CDH12: variants seen among roughly 807,000 people sequenced by gnomAD.
The protein encoded by CDH12 is cadherin 12.
CDH12 carries 41 observed loss-of-function variants against 74.1 expected under a neutral mutation model. That is an observed-to-expected ratio of 0.55 (90% CI 0.43 to 0.72). The LOEUF is 0.72. Ranked by LOEUF, CDH12 falls within the 30% of genes least tolerant of loss-of-function variation. CDH12 has a pLI of 0.00. For synonymous variants in CDH12, 399 were observed against 355.0 expected, an observed-to-expected ratio of 1.12 and a Z score of -1.39; for missense variants, 945 against 977.2, an observed-to-expected ratio of 0.97 and a Z score of 0.44.
chr5:22,132,070 A>T (rs1487608779), intron 4 of CDH12, among the ~76,000 whole-genome samples: 1 of 152,172 alleles, frequency 6.6e-6, no homozygotes, highest in East Asian at 1.9e-4. Flanking sequence ...TTTTTATACT[A>T]CTATTTCAAT....
chr5:22,677,034 G>C (rs570346269), intron 1 of CDH12, among the ~76,000 whole-genome samples: 1 of 152,262 alleles, frequency 6.6e-6, no homozygotes, highest in African/African-American at 2.4e-5. Flanking sequence ...CCAGACACTA[G>C]TTAAAAATAG....
intron 3 of CDH12, among the ~76,000 whole-genome samples, chr5:22,377,438 A>AT (rs574499013): frequency 3.9e-5 from 6 of 152,122 alleles, no homozygotes; most frequent in Non-Finnish European, 7.4e-5. Context: ...TCCTGGTGGA[A>AT]TAGGATGGCT....
At chr5:22,806,287 G>A (rs1460956043) in intron 1 of CDH12, among the ~76,000 whole-genome samples, 1 of 151,820 alleles carries the variant, frequency 6.6e-6, no homozygotes, top group Non-Finnish European at 1.5e-5. Context: ...AGTGTAAAAG[G>A]GTTCCTATTT....
At chr5:22,024,658 A>G (rs1738228371) in intron 5 of CDH12, among the ~76,000 whole-genome samples, 1 of 152,094 alleles carries the variant, frequency 6.6e-6, no homozygotes. Flanking sequence ...GATTACAGGC[A>G]CATGCTACCA....
chr5:21,789,507 G>A (rs762969272), intron 10 of CDH12, among the ~76,000 whole-genome samples: 8 of 152,072 alleles, frequency 5.3e-5, no homozygotes, highest in Non-Finnish European at 7.4e-5. Flanking sequence ...GACTGTAAAT[G>A]AGCGTCTTTT....
chr5:22,040,338 C>T (rs1739489266), intron 5 of CDH12, among the ~76,000 whole-genome samples: 1 of 151,952 alleles, frequency 6.6e-6, no homozygotes, highest in Non-Finnish European at 1.5e-5. Context: ...CAAACATTTG[C>T]ATTATAGGAT....
chr5:22,063,370 G>T (rs1050159756), intron 5 of CDH12, among the ~76,000 whole-genome samples: 3 of 152,000 alleles, frequency 2.0e-5, no homozygotes, highest in African/African-American at 7.2e-5. Context: ...TCATTTGTAA[G>T]CACCCTTCTC....
chr5:22,774,037 A>C (rs1746959045), intron 1 of CDH12, among the ~76,000 whole-genome samples: 1 of 152,088 alleles, frequency 6.6e-6, no homozygotes, highest in African/African-American at 2.4e-5. Flanking sequence ...GTGGGAATGT[A>C]AATTAGTTCA....
At chr5:22,427,875 A>T (rs766470811) in intron 2 of CDH12, among the ~76,000 whole-genome samples, 24 of 151,504 alleles carry the variant, frequency 1.6e-4, no homozygotes, top group Non-Finnish European at 3.1e-4. Context: ...AGGCACTCCT[A>T]GCTTCACCCA....
At chr5:22,680,475 T>A (rs1741433619) in intron 1 of CDH12, among the ~76,000 whole-genome samples, 1 of 152,048 alleles carries the variant, frequency 6.6e-6, no homozygotes, top group Non-Finnish European at 1.5e-5. Context: ...CTCACGTATT[T>A]TATTCCATTT....
In CDH12 at chr5:21,993,548, C is replaced by G. The variant is rs866268888; in HGVS notation, c.232-18163G>C. Reference sequence around the variant, plus strand: ...TAAAGCTGTGGATGCAGAGAAGCAACCTGCAGGAGTTGAACTACCTACACC... The same window carrying G: ...TAAAGCTGTGGATGCAGAGAAGCAAGCTGCAGGAGTTGAACTACCTACACC... On this transcript the variant is annotated intron_variant, in intron 5 of 14. Coordinates refer to ENST00000382254, the MANE Select transcript of CDH12 (RefSeq NM_004061.5). 5.9e-5 allele frequency among the ~76,000 whole-genome samples: 9 copies of G among 152,190 alleles called. No individual in the cohort carries two copies. In the South Asian group the frequency reaches 1.9e-3, roughly 32 times the overall value.
At chr5:22,562,353 C>A (rs1739093166) in intron 1 of CDH12, among the ~76,000 whole-genome samples, 1 of 151,688 alleles carries the variant, frequency 6.6e-6, no homozygotes, top group African/African-American at 2.4e-5. Flanking sequence ...CAAAAAAAAA[C>A]ATACATAGAG....
intron 5 of CDH12, among the ~76,000 whole-genome samples, chr5:22,051,572 G>A (rs951839749): frequency 1.3e-4 from 20 of 152,048 alleles, no homozygotes; most frequent in Admixed American, 9.2e-4. Context: ...CCTTGGTCAC[G>A]CTGTATTCTT....
At chr5:22,492,474 A>G (rs1239521691) in intron 2 of CDH12, among the ~76,000 whole-genome samples, 1 of 151,506 alleles carries the variant, frequency 6.6e-6, no homozygotes, top group Non-Finnish European at 1.5e-5. Context: ...CAACCTCCCG[A>G]GTAGCTGGGA....
At chr5:22,239,699 C>A (rs1309206551) in intron 3 of CDH12, among the ~76,000 whole-genome samples, 1 of 152,124 alleles carries the variant, frequency 6.6e-6, no homozygotes, top group Admixed American at 6.5e-5. Context: ...AAGAAACATA[C>A]TATTTCAGGT....
chr5:22,767,432 A>G (rs1235595463), intron 1 of CDH12, among the ~76,000 whole-genome samples: 1 of 152,120 alleles, frequency 6.6e-6, no homozygotes, highest in East Asian at 1.9e-4. Context: ...TGCATTTTCA[A>G]TTGAACTTGG....
intron 4 of CDH12, among the ~76,000 whole-genome samples, chr5:22,135,174 G>C (rs1354117073): frequency 4.2e-5 from 6 of 141,976 alleles, no homozygotes. Context: ...TTAACGAAGA[G>C]CAGTTATTCA....
intron 1 of CDH12, among the ~76,000 whole-genome samples, chr5:22,576,016 C>G (rs1037043146): frequency 1.3e-5 from 2 of 152,086 alleles, no homozygotes; most frequent in Non-Finnish European, 2.9e-5. Flanking sequence ...CATGAGCCAC[C>G]AAGCCTGGCC....
intron 5 of CDH12, among the ~76,000 whole-genome samples, chr5:22,001,481 A>G (rs1580093769): frequency 6.6e-6 from 1 of 152,054 alleles, no homozygotes; most frequent in Non-Finnish European, 1.5e-5. Context: ...TTTTAGGAAA[A>G]GTTTTTTTAA....
Sources: allele counts gnomAD v4.1 joint callset (sites outside exome capture counted in the v4.1 genomes callset), GRCh38; gene constraint gnomAD v4.1.1; transcripts MANE v1.5; gene names NCBI Gene and HGNC (gene_info 2026-07-23, HGNC 2026-07-21).